EPHA7: variants seen among roughly 807,000 people sequenced by gnomAD.
EPHA7 encodes ephrin type-A receptor 7.
A neutral mutation model predicts 112.6 loss-of-function variants in EPHA7; 25 were observed. That is an observed-to-expected ratio of 0.22 (90% CI 0.16 to 0.31). The LOEUF is 0.31. Ranked by LOEUF, EPHA7 falls within the 10% of genes least tolerant of loss-of-function variation. The pLI, the probability that EPHA7 is intolerant of heterozygous loss-of-function variation, is 1.00. For synonymous variants in EPHA7, 437 were observed against 406.5 expected (o/e 1.07, Z -0.90); for missense variants, 962 against 1,212.6 (o/e 0.79, Z 3.07).
chr6:93,395,605 A>G (rs1444134747), intron 3 of EPHA7, among the ~76,000 whole-genome samples: 1 of 151,476 alleles, frequency 6.6e-6, no homozygotes, highest in Non-Finnish European at 1.5e-5. Context: ...ACACACACAC[A>G]CACACACATC....
rs901190443 is a variant in EPHA7 at position 93,297,090 on chromosome 6, A to G, written c.1325-24668T>C. Among the ~76,000 whole-genome samples, 3 of 152,022 alleles carry G rather than the reference A, an allele frequency of 2.0e-5. No homozygotes were observed. In the South Asian group the frequency reaches 6.2e-4, roughly 31 times the overall value. On this transcript the variant is annotated intron_variant, in intron 5 of 16. Coordinates refer to ENST00000369303, the MANE Select transcript of EPHA7 (RefSeq NM_004440.4). ...AAATATATAAAATATAATTTACTTA[A>G]AAATAAAAATATAATCATGCTTTTT...
intron 5 of EPHA7, among the ~76,000 whole-genome samples, chr6:93,315,157 T>C (rs164292): frequency 0.71 from 106,518 of 151,080 alleles, 37,901 homozygotes; most frequent in African/African-American, 0.81. Context: ...CCACCGCGCC[T>C]GGCCGACAAT....
intron 11 of EPHA7, 52 bp from the exon 12 acceptor site, chr6:93,257,575 AT>A: frequency 1.7e-6 from 2 of 1,200,310 alleles, no homozygotes; most frequent in Non-Finnish European, 2.4e-6. Context: ...CTGGAGGGTC[AT>A]TTCCTTTCTC....
At chr6:93,260,782 G>T in intron 9 of EPHA7, 2 of 965,484 alleles carry the variant, frequency 2.1e-6, no homozygotes, top group Non-Finnish European at 2.5e-6. Context: ...TACTAAAGCT[G>T]AAGATGAAAA....
At chr6:93,375,629 AT>A in intron 3 of EPHA7, among the ~76,000 whole-genome samples, 1 of 151,326 alleles carries the variant, frequency 6.6e-6, no homozygotes, top group Non-Finnish European at 1.5e-5. Context: ...GGAAGCCTGA[AT>A]TAAAAAAAAA....
chr6:93,357,733 A>G (rs1199303240), intron 4 of EPHA7, among the ~76,000 whole-genome samples: 1 of 150,946 alleles, frequency 6.6e-6, no homozygotes, highest in Non-Finnish European at 1.5e-5. Flanking sequence ...GGCTCACTGC[A>G]ACCTCCGCCT....
intron 5 of EPHA7, among the ~76,000 whole-genome samples, chr6:93,283,513 A>G (rs1336917645): frequency 6.6e-6 from 1 of 152,082 alleles, no homozygotes; most frequent in Non-Finnish European, 1.5e-5. Context: ...GTAACAATCA[A>G]TGCGAAGGTC....
intron 3 of EPHA7, among the ~76,000 whole-genome samples, chr6:93,396,546 A>G (rs865911714): frequency 8.6e-5 from 13 of 152,016 alleles, no homozygotes; most frequent in Admixed American, 1.3e-4. Flanking sequence ...TTTGTTATTG[A>G]TACTTGAATG....
At chr6:93,367,138 G>A (rs1484391028) in intron 3 of EPHA7, among the ~76,000 whole-genome samples, 1 of 152,056 alleles carries the variant, frequency 6.6e-6, no homozygotes, top group African/African-American at 2.4e-5. Flanking sequence ...TTAAAAGTCT[G>A]GCTTATTTGT....
intron 5 of EPHA7, among the ~76,000 whole-genome samples, chr6:93,279,217 G>A (rs761210363): frequency 6.6e-6 from 1 of 152,014 alleles, no homozygotes; most frequent in Non-Finnish European, 1.5e-5. Flanking sequence ...AAATTGTCTA[G>A]GTAAACACAA....
intron 5 of EPHA7, among the ~76,000 whole-genome samples, chr6:93,286,295 A>T (rs943509239): frequency 2.0e-5 from 3 of 152,066 alleles, no homozygotes; most frequent in African/African-American, 7.2e-5. Flanking sequence ...CACCTATGAC[A>T]TCTATATTGC....
At position 93,274,560 on chromosome 6, in the gene EPHA7, G is replaced by A. The variant is rs925586871; in HGVS notation, c.1325-2138C>T. On this transcript the variant is annotated intron_variant, in intron 5 of 16. Transcript: ENST00000369303. Reference sequence around the variant, plus strand: ...TGCTGACAGTGAAATATGCTGCAACGTATTTTCCCTTTTGCACAGGATCCA... The same window carrying A: ...TGCTGACAGTGAAATATGCTGCAACATATTTTCCCTTTTGCACAGGATCCA... Among the ~76,000 whole-genome samples the A allele has an allele frequency of 3.3e-5, 5 of 151,772 alleles. No homozygotes were observed. The South Asian group carries it at 6.2e-4, about 19-fold the overall frequency.
Position 93,365,991 on chromosome 6 carries a change from G to A in EPHA7, c.833-7580C>T, listed in dbSNP as rs575135598. On this transcript the variant is annotated intron_variant, in intron 3 of 16. Coordinates refer to ENST00000369303, the MANE Select transcript of EPHA7 (RefSeq NM_004440.4). ...GTTTCTAAAGTTTAGAATGTAAAAT[G>A]AAATAAAACAAAGCATTATGTGAAC... Among the ~76,000 whole-genome samples the A allele has an allele frequency of 3.9e-5, 6 of 152,198 alleles. No homozygotes were observed. In the South Asian group the frequency reaches 1.2e-3, roughly 32 times the overall value.
chr6:93,368,312 C>A (rs957578105), intron 3 of EPHA7, among the ~76,000 whole-genome samples: 2 of 152,060 alleles, frequency 1.3e-5, no homozygotes, highest in Non-Finnish European at 2.9e-5. Context: ...ACCTTTCCTG[C>A]CAAAGCTGTA....
intron 5 of EPHA7, among the ~76,000 whole-genome samples, chr6:93,307,400 A>T (rs1469057506): frequency 1.3e-5 from 2 of 152,116 alleles, no homozygotes; most frequent in African/African-American, 4.8e-5. Flanking sequence ...AGCCCTATGC[A>T]GTGATTTCTA....
intron 5 of EPHA7, among the ~76,000 whole-genome samples, chr6:93,322,654 G>C (rs1209682357): frequency 6.6e-6 from 1 of 151,574 alleles, no homozygotes; most frequent in Non-Finnish European, 1.5e-5. Flanking sequence ...GAATTAGAGA[G>C]GCATACTAGT....
At chr6:93,254,134 C>A (rs935520609) in intron 14 of EPHA7, among the ~76,000 whole-genome samples, 4 of 151,928 alleles carry the variant, frequency 2.6e-5, no homozygotes, top group Non-Finnish European at 5.9e-5. Flanking sequence ...TGATTACATT[C>A]TAAAATATCA....
chr6:93,340,638 T>C (rs1775093562), intron 5 of EPHA7, among the ~76,000 whole-genome samples: 1 of 151,926 alleles, frequency 6.6e-6, no homozygotes, highest in South Asian at 2.1e-4. Context: ...CAACCTGTAG[T>C]AAAACGTTTC....
intron 5 of EPHA7, among the ~76,000 whole-genome samples, chr6:93,350,534 A>C (rs912164149): frequency 6.6e-6 from 1 of 152,050 alleles, no homozygotes; most frequent in African/African-American, 2.4e-5. Flanking sequence ...AAATTTTAAT[A>C]TAATCTGAGT....
Sources: gnomAD v4.1 joint callset for allele counts (sites outside exome capture counted in the v4.1 genomes callset) on GRCh38, gnomAD v4.1.1 for gene constraint, MANE v1.5 for transcripts, NCBI Gene and HGNC (gene_info 2026-07-23, HGNC 2026-07-21) for gene names.